The following SCFD2 variants were observed in gnomAD, a reference collection of about 807,000 sequenced individuals.
The protein encoded by SCFD2 is sec1 family domain containing 2.
Under a neutral mutation model 58.9 loss-of-function variants are expected in SCFD2, and 54 were observed. That is an observed-to-expected ratio of 0.92 (90% CI 0.74 to 1.15). SCFD2 has a LOEUF of 1.15. Ranked by LOEUF, SCFD2 falls within the 50% of genes most tolerant of loss-of-function variation. The pLI is 0.00. For synonymous variants in SCFD2, 321 were observed against 335.9 expected (o/e 0.96, Z 0.49); for missense variants, 805 against 836.6 (o/e 0.96, Z 0.47).
chr4:53,365,944 T>C lies in SCFD2; in HGVS notation c.-3A>G. The C allele has an allele frequency of 5.3e-6, 8 of 1,518,430 alleles. No homozygotes were observed. The highest frequency in any genetic ancestry group is 1.3e-5 in the South Asian group (1 of 78,516). The allele number at this position is 1,518,430 out of a possible 1,614,324, so 94.1% of individuals were successfully genotyped here. On this transcript the variant is annotated 5_prime_UTR_variant, in exon 1 of 9. Coordinates refer to ENST00000401642, the MANE Select transcript of SCFD2 (RefSeq NM_152540.4). The surrounding 1 kb of genome is among the most constrained non-coding windows in gnomAD (Gnocchi z 4.3). ...GACAGTACGCCCGAGGCGCTCATGG[T>C]TGGGGATTCGCAGACTTGGGAAACT...
intron 5 of SCFD2, among the ~76,000 whole-genome samples, chr4:52,946,747 G>A (rs1053499070): frequency 6.6e-6 from 1 of 152,106 alleles, no homozygotes; most frequent in Non-Finnish European, 1.5e-5. Flanking sequence ...ACCAGGATTG[G>A]AACCTCCTAG....
At chr4:52,987,160 C>A (rs1721514383) in intron 5 of SCFD2, among the ~76,000 whole-genome samples, 1 of 152,154 alleles carries the variant, frequency 6.6e-6, no homozygotes, top group South Asian at 2.1e-4. Context: ...TCCTGAACAG[C>A]TGGGACTACA....
chr4:53,007,275 T>C (rs1383880966), intron 5 of SCFD2, among the ~76,000 whole-genome samples: 4 of 118,594 alleles, frequency 3.4e-5, no homozygotes, highest in Non-Finnish European at 6.7e-5. Flanking sequence ...TAAGACCTTG[T>C]TGAGAGGAGA....
intron 5 of SCFD2, among the ~76,000 whole-genome samples, chr4:53,078,767 G>C (rs2148855918): frequency 6.6e-6 from 1 of 152,028 alleles, no homozygotes; most frequent in East Asian, 1.9e-4. Context: ...AATATCCATG[G>C]TCTTATCCAC....
intron 4 of SCFD2, among the ~76,000 whole-genome samples, chr4:53,211,713 C>G (rs565199029): frequency 1.3e-5 from 2 of 151,946 alleles, no homozygotes; most frequent in African/African-American, 4.8e-5. Context: ...TCACAAATGT[C>G]TTCTTCTGTG....
At chr4:53,140,431 C>T (rs1191957295) in intron 5 of SCFD2, among the ~76,000 whole-genome samples, 24 of 65,822 alleles carry the variant, frequency 3.6e-4, no homozygotes, top group African/African-American at 1.3e-3. Context: ...ATCCACAGGG[C>T]AATCACCGTC....
intron 7 of SCFD2, among the ~76,000 whole-genome samples, chr4:52,887,637 A>G (rs1211601537): frequency 6.6e-6 from 1 of 152,202 alleles, no homozygotes; most frequent in Non-Finnish European, 1.5e-5. Flanking sequence ...CTTGCAGGAA[A>G]AAGTCTGCCA....
intron 5 of SCFD2, among the ~76,000 whole-genome samples, chr4:53,007,335 G>GAGAGAGAGAGAGGGA (rs1560508028): frequency 2.5e-5 from 1 of 39,222 alleles, no homozygotes; most frequent in Non-Finnish European, 4.9e-5. Context: ...AGAGAGAGAG[G>GAGAGAGAGAGAGGGA]GAGAGAGAGA....
At chr4:53,087,394 G>A (rs1724336885) in intron 5 of SCFD2, among the ~76,000 whole-genome samples, 1 of 152,148 alleles carries the variant, frequency 6.6e-6, no homozygotes, top group African/African-American at 2.4e-5. Context: ...GAGTGTAGTG[G>A]CACAATCTCA....
intron 4 of SCFD2, among the ~76,000 whole-genome samples, chr4:53,186,603 A>G (rs1171414532): frequency 1.3e-5 from 2 of 152,114 alleles, no homozygotes; most frequent in African/African-American, 4.8e-5. Flanking sequence ...ATGACAGAAC[A>G]AAAGAGATCC....
At chr4:53,041,193 G>A (rs1156669293) in intron 5 of SCFD2, among the ~76,000 whole-genome samples, 1 of 152,160 alleles carries the variant, frequency 6.6e-6, no homozygotes, top group East Asian at 1.9e-4. Flanking sequence ...CCATCTGTGG[G>A]ATCCCCAATG....
intron 5 of SCFD2, among the ~76,000 whole-genome samples, chr4:53,125,354 C>T (rs1224119062): frequency 2.0e-5 from 3 of 152,172 alleles, no homozygotes; most frequent in East Asian, 1.9e-4. Flanking sequence ...TATTATAACA[C>T]GTCAGATGAG....
chr4:52,924,472 T>G (rs144425384), intron 5 of SCFD2, among the ~76,000 whole-genome samples: 3 of 152,194 alleles, frequency 2.0e-5, no homozygotes, highest in Non-Finnish European at 2.9e-5. Context: ...TTCACAAATA[T>G]AGTCAATCTT....
At chr4:53,140,967 C>T (rs1238037543) in intron 5 of SCFD2, among the ~76,000 whole-genome samples, 2 of 152,038 alleles carry the variant, frequency 1.3e-5, no homozygotes, top group East Asian at 1.9e-4. Context: ...GGAGGGTAGC[C>T]AATCATATAC....
At chr4:53,069,492 G>A (rs1176433704) in intron 5 of SCFD2, among the ~76,000 whole-genome samples, 1 of 152,062 alleles carries the variant, frequency 6.6e-6, no homozygotes, top group Admixed American at 6.6e-5. Context: ...TAAATGCTAT[G>A]CTTCAAAATC....
At chr4:53,002,052 G>A (rs1158078359) in intron 5 of SCFD2, among the ~76,000 whole-genome samples, 1 of 152,178 alleles carries the variant, frequency 6.6e-6, no homozygotes, top group Non-Finnish European at 1.5e-5. Flanking sequence ...TGGATGTCCT[G>A]TAATAATCTG....
chr4:53,362,659 C>T (rs1487047561), intron 1 of SCFD2, among the ~76,000 whole-genome samples: 2 of 143,972 alleles, frequency 1.4e-5, no homozygotes, highest in Non-Finnish European at 3.0e-5. Flanking sequence ...ATAGACAACT[C>T]TTTCAAGTTT....
intron 5 of SCFD2, among the ~76,000 whole-genome samples, chr4:53,004,566 G>A (rs1468115834): frequency 1.3e-5 from 2 of 152,220 alleles, no homozygotes; most frequent in Non-Finnish European, 2.9e-5. Flanking sequence ...GCACGTAGAT[G>A]TTAAGTAGCT....
chr4:53,254,653 T>C (rs1424161122), intron 4 of SCFD2, among the ~76,000 whole-genome samples: 2 of 151,706 alleles, frequency 1.3e-5, no homozygotes, highest in African/African-American at 4.8e-5. Context: ...CATGTCATTT[T>C]AGACCAGTGC....
Sources: allele counts gnomAD v4.1 joint callset (sites outside exome capture counted in the v4.1 genomes callset), GRCh38; gene constraint gnomAD v4.1.1; non-coding constraint Gnocchi (gnomAD v3.1); transcripts MANE v1.5; gene names NCBI Gene and HGNC (gene_info 2026-07-23, HGNC 2026-07-21).